NR3C2: variants seen among roughly 807,000 people sequenced by gnomAD.
NR3C2 encodes nuclear receptor subfamily 3 group C member 2.
Under a neutral mutation model 86.4 loss-of-function variants are expected in NR3C2, and 15 were observed. That is an observed-to-expected ratio of 0.17 (90% CI 0.12 to 0.27). The LOEUF is 0.27. Ranked by LOEUF, NR3C2 falls within the 10% of genes least tolerant of loss-of-function variation. NR3C2 has a pLI of 1.00. For synonymous variants in NR3C2, 458 were observed against 450.5 expected (o/e 1.02, Z -0.21); for missense variants, 960 against 1,195.6 (o/e 0.80, Z 2.91).
At chr4:148,367,036 G>T (rs1447612851) in intron 2 of NR3C2, among the ~76,000 whole-genome samples, 1 of 152,166 alleles carries the variant, frequency 6.6e-6, no homozygotes, top group Non-Finnish European at 1.5e-5. Context: ...CATAAAGGCA[G>T]AAAGAGGTGT....
At chr4:148,328,810 G>A (rs537300986) in intron 2 of NR3C2, among the ~76,000 whole-genome samples, 1 of 152,334 alleles carries the variant, frequency 6.6e-6, no homozygotes, top group East Asian at 1.9e-4. Context: ...AAGCCTCGCA[G>A]CCAGTACATG....
chr4:148,207,670 A>G (rs979913497), intron 3 of NR3C2, among the ~76,000 whole-genome samples: 1 of 152,160 alleles, frequency 6.6e-6, no homozygotes, highest in Non-Finnish European at 1.5e-5. Flanking sequence ...TTTTTCATCC[A>G]TAAAGTCAGT....
chr4:148,096,323 A>G (rs180964942), intron 8 of NR3C2, among the ~76,000 whole-genome samples: 5 of 152,358 alleles, frequency 3.3e-5, no homozygotes, highest in East Asian at 3.9e-4. Context: ...CTTGTTTTCA[A>G]TATTTCCTAG....
At chr4:148,258,800 A>T (rs1739951453) in intron 3 of NR3C2, among the ~76,000 whole-genome samples, 1 of 152,224 alleles carries the variant, frequency 6.6e-6, no homozygotes, top group Admixed American at 6.5e-5. Flanking sequence ...CTACGCTGGG[A>T]CTTTCCAGTA....
chr4:148,091,808 G>C (rs1374796509), intron 8 of NR3C2, among the ~76,000 whole-genome samples: 1 of 152,234 alleles, frequency 6.6e-6, no homozygotes, highest in East Asian at 1.9e-4. Flanking sequence ...AGAGCTGATA[G>C]AGGCAGGGCA....
intron 3 of NR3C2, among the ~76,000 whole-genome samples, chr4:148,256,098 C>T (rs1365949664): frequency 6.6e-6 from 1 of 152,196 alleles, no homozygotes; most frequent in Non-Finnish European, 1.5e-5. Context: ...AACTGTGAGA[C>T]TCCCAACTGT....
At chr4:148,318,717 G>A (rs1173260467) in intron 2 of NR3C2, among the ~76,000 whole-genome samples, 4 of 146,584 alleles carry the variant, frequency 2.7e-5, no homozygotes, top group Non-Finnish European at 3.1e-5. Context: ...ACTTTTTGAT[G>A]GGGTTGTTTG....
intron 3 of NR3C2, among the ~76,000 whole-genome samples, chr4:148,251,073 C>G (rs189042440): frequency 1.1e-4 from 16 of 152,074 alleles, no homozygotes; most frequent in Non-Finnish European, 2.4e-4. Flanking sequence ...CCTCAGCCCC[C>G]CAAGGAGCTG....
intron 4 of NR3C2, 59 bp from the exon 5 acceptor site, chr4:148,154,960 C>T: frequency 7.4e-7 from 1 of 1,356,952 alleles, no homozygotes; most frequent in Non-Finnish European, 1.0e-6. Flanking sequence ...TATGCTGACT[C>T]ACACTGGTTA....
intron 6 of NR3C2, among the ~76,000 whole-genome samples, chr4:148,142,581 G>A (rs1352841142): frequency 1.3e-5 from 2 of 152,162 alleles, no homozygotes; most frequent in South Asian, 2.1e-4. Flanking sequence ...TGCAACCTCC[G>A]CCTCCTGGGC....
chr4:148,287,523 G>A (rs1398999127), intron 2 of NR3C2, among the ~76,000 whole-genome samples: 1 of 152,214 alleles, frequency 6.6e-6, no homozygotes, highest in Non-Finnish European at 1.5e-5. Flanking sequence ...TGAATACAAT[G>A]AGTGGGCTGA....
At chr4:148,389,445 C>T (rs772698424) in intron 2 of NR3C2, among the ~76,000 whole-genome samples, 8 of 151,904 alleles carry the variant, frequency 5.3e-5, no homozygotes, top group Admixed American at 2.0e-4. Flanking sequence ...GAAAATTTAC[C>T]GTCTCTCCTC....
rs72653853 is a variant in NR3C2, at chr4:148,180,878, G to A, written c.2014+13868C>T. ...TTCCATTGTTATCAGTAATGTACAA[G>A]AGCATCTGTTTTAGTGAATGATTCC... On this transcript the variant is annotated intron_variant, in intron 4 of 8. Transcript: ENST00000358102. Among the ~76,000 whole-genome samples the A allele has an allele frequency of 2.6e-5, 4 of 152,222 alleles. No homozygotes were observed. The East Asian group carries it at 5.8e-4, about 22-fold the overall frequency.
At chr4:148,300,042 G>A (rs1349671774) in intron 2 of NR3C2, among the ~76,000 whole-genome samples, 2 of 152,146 alleles carry the variant, frequency 1.3e-5, no homozygotes, top group African/African-American at 4.8e-5. Context: ...CAGAAAGAGG[G>A]GTAATTTAGG....
intron 2 of NR3C2, among the ~76,000 whole-genome samples, chr4:148,304,328 CTTTTTT>C (rs35633620): frequency 5.7e-4 from 48 of 83,860 alleles, no homozygotes; most frequent in African/African-American, 1.2e-3. Context: ...GTTGTTGTTG[CTTTTTT>C]TTTTTTTTTT....
intron 2 of NR3C2, among the ~76,000 whole-genome samples, chr4:148,403,899 G>C (rs1344121393): frequency 6.6e-6 from 1 of 152,052 alleles, no homozygotes; most frequent in South Asian, 2.1e-4. Flanking sequence ...TGGATACCTA[G>C]AGATGGCAGT....
chr4:148,327,066 G>A (rs529409248), intron 2 of NR3C2, among the ~76,000 whole-genome samples: 14 of 152,216 alleles, frequency 9.2e-5, no homozygotes, highest in African/African-American at 3.1e-4. Context: ...TAGAGTTTCA[G>A]ATCTACGTAA....
chr4:148,234,063 GAAAT>G (rs1417038863), intron 3 of NR3C2, among the ~76,000 whole-genome samples: 3 of 152,082 alleles, frequency 2.0e-5, no homozygotes, highest in Non-Finnish European at 2.9e-5. Flanking sequence ...AAAGATCATT[GAAAT>G]AAGTGGCCCA....
At chr4:148,243,196 A>G (rs1356892648) in intron 3 of NR3C2, among the ~76,000 whole-genome samples, 1 of 151,852 alleles carries the variant, frequency 6.6e-6, no homozygotes, top group African/African-American at 2.4e-5. Flanking sequence ...ATGCCTGGCT[A>G]ATTTTTGTTT....
Sources: gnomAD v4.1 joint callset for allele counts (sites outside exome capture counted in the v4.1 genomes callset) on GRCh38, gnomAD v4.1.1 for gene constraint, MANE v1.5 for transcripts, NCBI Gene and HGNC (gene_info 2026-07-23, HGNC 2026-07-21) for gene names.